STAM: variants seen among roughly 807,000 people sequenced by gnomAD.
STAM encodes signal transducing adapter molecule 1.
Under a neutral mutation model 63.4 loss-of-function variants are expected in STAM, and 16 were observed. The observed-to-expected ratio is 0.25, with a 90% CI of 0.17 to 0.38. The LOEUF (loss-of-function observed/expected upper bound fraction) is 0.38, where lower values mean the gene tolerates loss of function less well. Ranked by LOEUF, STAM falls within the 10% of genes least tolerant of loss-of-function variation. The pLI is 1.00. For synonymous variants in STAM, 238 were observed against 223.9 expected (o/e 1.06, Z -0.56); for missense variants, 636 against 657.1 (o/e 0.97, Z 0.35).
In STAM at chr10:17,700,293, A is replaced by G; in HGVS notation, c.912+14A>G. The stretch of plus-strand genomic sequence containing the variant: ...TTTATTGATGAAGTAAGTGGTTTCC[A>G]TGGTGATAGGAGTTGGTACTTTGTA... On this transcript the variant is annotated intron_variant, in intron 9 of 13. Coordinates refer to ENST00000377524, the MANE Select transcript of STAM (RefSeq NM_003473.4). 2 of 1,588,454 alleles carry G rather than the reference A, an allele frequency of 1.3e-6. No individual in the cohort carries two copies. The highest frequency in any genetic ancestry group is 1.4e-5 in the African/African-American group (1 of 74,072).
In STAM at chr10:17,716,417, C is replaced by T. The variant is rs534030570; in HGVS notation, c.*1637C>T. ...TTACTTAAGGGTAACTTAAGTGTTT[C>T]GCTCAAGTGTTGTGTTCTGATTTCC... On this transcript the variant is annotated 3_prime_UTR_variant, in exon 14 of 14. Transcript: ENST00000377524. Among the ~76,000 whole-genome samples, 228 of 151,910 alleles carry T rather than the reference C, an allele frequency of 1.5e-3. No homozygotes were observed. Among genetic ancestry groups the T allele is most frequent in the African/African-American group, 5.0e-3 (207 of 41,462 alleles).
Position 17,714,659 on chromosome 10 carries a change from C to T in STAM, c.1502C>T (p.Ala501Val). The stretch of plus-strand genomic sequence containing the variant: ...GCCGATGTCACTCTGTACCAGAATG[C>T]AGGACCTAATATGCCCCAGGTGCCA... ...ATADVTLYQN[A>V]GPNMPQVPNY... Residue 501 changes from alanine to valine, a missense_variant, in exon 14 of 14, where the codon GCA (alanine) becomes GTA (valine). Physicochemically the swap from Ala to Val is moderately conservative, Grantham distance 64. Around this residue, in one of 3 missense-constraint regions of STAM, gnomAD observed 532 missense variants for 536.9 expected, o/e 0.99. Transcript: ENST00000377524. The T allele has an allele frequency of 1.2e-6, 2 of 1,614,150 alleles. No individual in the cohort carries two copies. The highest frequency in any genetic ancestry group is 1.7e-6 in the Non-Finnish European group (2 of 1,180,036).
intron 5 of STAM, 129 bp downstream of exon 5, chr10:17,688,302 G>T: frequency 2.3e-6 from 2 of 857,210 alleles, no homozygotes; most frequent in Non-Finnish European, 1.7e-6. Flanking sequence ...AGCTAATTGT[G>T]TTAGTAACTA....
chr10:17,684,643 T>A (rs1554825857), intron 2 of STAM, 32 bp from the exon 3 acceptor site: 2 of 1,581,576 alleles, frequency 1.3e-6, no homozygotes, highest in African/African-American at 2.7e-5. Flanking sequence ...AGATGTATTA[T>A]TAAGTAATTT....
Position 17,714,642 on chromosome 10 carries a change from C to A in STAM, c.1485C>A (p.Val495=). The change falls in exon 14 of 14, where the codon GTC becomes GTA. Residue 495 remains valine (V), a synonymous_variant. Transcript: ENST00000377524. The part of the protein sequence containing the change: ...AATAAAATAD[V]TLYQNAGPNM... The stretch of plus-strand genomic sequence containing the variant: ...CTGCTGCTGCTGCAACTGCCGATGT[C>A]ACTCTGTACCAGAATGCAGGACCTA... The A allele has an allele frequency of 6.2e-7, 1 of 1,614,166 alleles. No homozygotes were observed. Among genetic ancestry groups the A allele is most frequent in the Non-Finnish European group, 8.5e-7 (1 of 1,180,040 alleles).
At chr10:17,697,957 A>G (rs1034935643) in intron 8 of STAM, among the ~76,000 whole-genome samples, 4 of 152,158 alleles carry the variant, frequency 2.6e-5, no homozygotes, top group Admixed American at 2.6e-4. Context: ...TGTCCTGGTC[A>G]TCTTTTTATT....
At chr10:17,709,245 A>G (rs887408437) in intron 13 of STAM, among the ~76,000 whole-genome samples, 4 of 152,196 alleles carry the variant, frequency 2.6e-5, no homozygotes, top group African/African-American at 9.7e-5. Flanking sequence ...ATGATATTTG[A>G]TAATGTCTTT....
intron 8 of STAM, among the ~76,000 whole-genome samples, chr10:17,699,581 A>G (rs1835902111): frequency 6.6e-6 from 1 of 152,208 alleles, no homozygotes; most frequent in Admixed American, 6.5e-5. Context: ...ATGTCAAATG[A>G]TAATATTATA....
At chr10:17,691,247 G>A (rs187167501) in intron 5 of STAM, among the ~76,000 whole-genome samples, 95 of 152,254 alleles carry the variant, frequency 6.2e-4, no homozygotes, top group South Asian at 2.3e-3. Flanking sequence ...GGCCGGGCGC[G>A]GTGGCTCACG....
At chr10:17,671,479 A>C (rs1017651781) in intron 2 of STAM, among the ~76,000 whole-genome samples, 1 of 152,192 alleles carries the variant, frequency 6.6e-6, no homozygotes, top group Non-Finnish European at 1.5e-5. Flanking sequence ...CAAAGCTTCA[A>C]ATCGTTTTTC....
chr10:17,684,475 A>G (rs537931129), intron 2 of STAM, among the ~76,000 whole-genome samples, 200 bp from the exon 3 acceptor site: 1 of 152,060 alleles, frequency 6.6e-6, no homozygotes, highest in East Asian at 1.9e-4. Flanking sequence ...TACGATTACT[A>G]ATAAGAGAGC....
intron 1 of STAM, among the ~76,000 whole-genome samples, chr10:17,652,957 C>G (rs74120047): frequency 0.023 from 3,508 of 152,134 alleles, 126 homozygotes; most frequent in African/African-American, 0.08. Context: ...TCTTTGTTTC[C>G]TAGGAGACAG....
intron 1 of STAM, among the ~76,000 whole-genome samples, chr10:17,656,675 G>A (rs1554822201): frequency 6.6e-6 from 1 of 152,104 alleles, no homozygotes. Context: ...TTTTGTAATC[G>A]GTGGAAGGTA....
At chr10:17,712,735 C>T (rs568656053) in intron 13 of STAM, among the ~76,000 whole-genome samples, 1 of 152,208 alleles carries the variant, frequency 6.6e-6, no homozygotes, top group Admixed American at 6.5e-5. Flanking sequence ...GCATGTATTC[C>T]GTTGGAAACA....
intron 2 of STAM, among the ~76,000 whole-genome samples, chr10:17,661,227 C>T (rs1554822853): frequency 6.6e-6 from 1 of 152,166 alleles, no homozygotes; most frequent in Non-Finnish European, 1.5e-5. Flanking sequence ...ACAGCATTAG[C>T]CTTTAGCAGT....
chr10:17,703,941 G>C lies in STAM; in HGVS notation c.913-490G>C, dbSNP rs561208248. On this transcript the variant is annotated intron_variant, in intron 9 of 13. Transcript: ENST00000377524. ...AAGCAATGCCATCTTGAGATGGATA[G>C]TACACTTGTTGGCATGGCTAAGCTA... 5.3e-5 allele frequency among the ~76,000 whole-genome samples: 8 copies of C among 152,336 alleles called. No individual in the cohort carries two copies. The South Asian group carries it at 1.2e-3, about 24-fold the overall frequency.
At chr10:17,669,001 G>A (rs1184249750) in intron 2 of STAM, among the ~76,000 whole-genome samples, 5 of 152,150 alleles carry the variant, frequency 3.3e-5, no homozygotes, top group Non-Finnish European at 7.3e-5. Context: ...AGATCATATG[G>A]TAAGACTGTT....
chr10:17,709,101 CTG>C lies in STAM; in HGVS notation c.1385+153_1385+154del, dbSNP rs1295589899. The C allele has an allele frequency of 1.8e-5, 16 of 881,534 alleles. No individual in the cohort carries two copies. In the African/African-American group the frequency reaches 2.2e-4, roughly 12 times the overall value. The allele number at this position is 881,534 out of a possible 1,614,324, so 54.6% of individuals were successfully genotyped here. A position where few individuals can be genotyped will look rare whatever the true frequency, so the allele number is the denominator to read the frequency against. On this transcript the variant is annotated intron_variant, in intron 13 of 13. Transcript: ENST00000377524. ...TTTGTGCTAATGAGTGGTGGAGCCT[CTG>C]TGGTATTCCAGTACCAGCCAGCAAG...
In STAM at chr10:17,700,174, T is replaced by C; in HGVS notation, c.824-17T>C. Reference sequence around the variant, plus strand: ...AAATGTATTATTAAAAAAAGATAACTTTTACATATCTTACAGTTAAAACAG... The same window carrying C: ...AAATGTATTATTAAAAAAAGATAACCTTTACATATCTTACAGTTAAAACAG... On this transcript the variant is annotated splice_polypyrimidine_tract_variant and intron_variant, in intron 8 of 13. Coordinates refer to ENST00000377524, the MANE Select transcript of STAM (RefSeq NM_003473.4). 1.3e-6 allele frequency: 2 copies of C among 1,575,356 alleles called. No individual in the cohort carries two copies. Among genetic ancestry groups the C allele is most frequent in the Non-Finnish European group, 1.7e-6 (2 of 1,157,596 alleles).
Sources: gnomAD v4.1 joint callset for allele counts (sites outside exome capture counted in the v4.1 genomes callset) on GRCh38, gnomAD v4.1.1 for gene constraint, gnomAD v4.1.1 regional missense constraint, MANE v1.5 for transcripts, NCBI Gene and HGNC (gene_info 2026-07-23, HGNC 2026-07-21) for gene names.